Variants in RUNDC3B observed in about 807,000 individuals in gnomAD.
The protein encoded by RUNDC3B is RUN domain-containing protein 3B.
Under a neutral mutation model 58.4 loss-of-function variants are expected in RUNDC3B, and 33 were observed. The ratio of observed to expected loss-of-function variants is 0.56; its 90% CI spans 0.43 to 0.75. The LOEUF (loss-of-function observed/expected upper bound fraction) is 0.75. Among genes scored for constraint, RUNDC3B ranks in the 30% least tolerant of loss-of-function variants. RUNDC3B has a pLI of 0.00. For missense variants in RUNDC3B, 501 were observed against 535.7 expected (o/e 0.94, Z 0.64); for synonymous variants, 193 against 195.2 (o/e 0.99, Z 0.10).
chr7:87,656,042 C>G (rs1036256659), intron 2 of RUNDC3B, among the ~76,000 whole-genome samples: 3 of 152,052 alleles, frequency 2.0e-5, no homozygotes, highest in Admixed American at 6.6e-5. Flanking sequence ...GTGCTTTGAT[C>G]TTGGACTTCC....
chr7:87,661,807 A>C (rs958539417), intron 2 of RUNDC3B, among the ~76,000 whole-genome samples: 1 of 151,974 alleles, frequency 6.6e-6, no homozygotes, highest in African/African-American at 2.4e-5. Context: ...TTTAATTTTA[A>C]GTTTTATGAG....
chr7:87,675,464 T>C (rs1194456895), intron 2 of RUNDC3B, among the ~76,000 whole-genome samples: 5 of 151,858 alleles, frequency 3.3e-5, no homozygotes, highest in Non-Finnish European at 5.9e-5. Context: ...GTTACAATGC[T>C]ATAGTAATTG....
chr7:87,829,567 G>C (rs1038121246), intron 10 of RUNDC3B, among the ~76,000 whole-genome samples: 2 of 151,984 alleles, frequency 1.3e-5, no homozygotes, highest in Non-Finnish European at 2.9e-5. Context: ...CTGTATAACA[G>C]CACCTTTCTA....
chr7:87,668,754 A>G (rs1825525185), intron 2 of RUNDC3B, among the ~76,000 whole-genome samples: 1 of 152,162 alleles, frequency 6.6e-6, no homozygotes, highest in Non-Finnish European at 1.5e-5. Context: ...ACTCAAGAGC[A>G]TGATGTTTAA....
chr7:87,800,856 C>T (rs1421468384), intron 8 of RUNDC3B, among the ~76,000 whole-genome samples: 1 of 152,012 alleles, frequency 6.6e-6, no homozygotes, highest in Non-Finnish European at 1.5e-5. Context: ...ACTGTGTTGT[C>T]CAGGCTGGTC....
At chr7:87,641,186 G>A (rs1044749343) in intron 1 of RUNDC3B, among the ~76,000 whole-genome samples, 4 of 151,974 alleles carry the variant, frequency 2.6e-5, no homozygotes, top group African/African-American at 9.7e-5. Context: ...CAACCATTTT[G>A]TGTCAAAGTA....
intron 8 of RUNDC3B, among the ~76,000 whole-genome samples, chr7:87,790,208 G>A (rs1835449023): frequency 6.6e-6 from 1 of 152,208 alleles, no homozygotes; most frequent in East Asian, 1.9e-4. Flanking sequence ...TTGGGAGAAA[G>A]TAAGGGAAAA....
intron 2 of RUNDC3B, among the ~76,000 whole-genome samples, chr7:87,678,655 G>C (rs1585078673): frequency 6.6e-6 from 1 of 151,984 alleles, no homozygotes; most frequent in African/African-American, 2.4e-5. Context: ...GAGATTTTTT[G>C]ACTGGGTAAA....
At chr7:87,740,720 G>A (rs1027105287) in intron 5 of RUNDC3B, among the ~76,000 whole-genome samples, 6 of 152,122 alleles carry the variant, frequency 3.9e-5, no homozygotes, top group Admixed American at 3.9e-4. Flanking sequence ...CACTTGACAA[G>A]TCTAACTTTA....
rs886648465 is a variant in RUNDC3B at position 87,830,251 on chromosome 7, A to G, written c.*221A>G. ...TTACATTTGTCATTGAGAAAGTTCA[A>G]AATGGAATAGGCTTTAAAAAAAAAA... On this transcript the variant is annotated 3_prime_UTR_variant, in exon 11 of 11. Transcript: ENST00000394654. 5.9e-6 allele frequency: 2 copies of G among 338,440 alleles called. No individual in the cohort carries two copies. Among genetic ancestry groups the G allele is most frequent in the East Asian group, 4.6e-5 (1 of 21,950 alleles). 21.0% of individuals were successfully genotyped at this position (338,440 alleles called of 1,614,324 possible).
chr7:87,770,876 T>C (rs1356623270), intron 7 of RUNDC3B, 127 bp downstream of exon 7: 3 of 598,858 alleles, frequency 5.0e-6, no homozygotes, highest in Non-Finnish European at 2.8e-6. Flanking sequence ...GTTTTTGAAT[T>C]GTCCTCCTCT....
chr7:87,737,072 G>T (rs1395039282), intron 4 of RUNDC3B, among the ~76,000 whole-genome samples: 1 of 149,792 alleles, frequency 6.7e-6, no homozygotes, highest in East Asian at 2.0e-4. Context: ...TAATTTTTTT[G>T]TATTTTTTGT....
intron 3 of RUNDC3B, among the ~76,000 whole-genome samples, chr7:87,707,728 A>G (rs1377700286): frequency 6.6e-6 from 1 of 152,056 alleles, no homozygotes; most frequent in Admixed American, 6.6e-5. Context: ...TGCAAAATAT[A>G]CATTCTTATC....
chr7:87,689,734 A>G (rs1208991414), intron 2 of RUNDC3B, among the ~76,000 whole-genome samples: 1 of 152,070 alleles, frequency 6.6e-6, no homozygotes, highest in Admixed American at 6.6e-5. Context: ...TTCTAATTTC[A>G]ATGAGTTGTC....
rs537170724 is a variant in RUNDC3B at position 87,772,913 on chromosome 7, G to T, written c.798+2164G>T. Among the ~76,000 whole-genome samples, 4 of 151,874 alleles carry T rather than the reference G, an allele frequency of 2.6e-5. No individual in the cohort carries two copies. The South Asian group carries it at 6.2e-4, about 24-fold the overall frequency. On this transcript the variant is annotated intron_variant, in intron 7 of 10. Coordinates refer to ENST00000394654, the MANE Select transcript of RUNDC3B (RefSeq NM_001134405.2). ...TGACATAAAAAGTTGAAACTAGGGG[G>T]ATAAATATACTAGATAGATACTAAC...
chr7:87,746,990 C>T (rs951727633), intron 6 of RUNDC3B, among the ~76,000 whole-genome samples: 2 of 152,094 alleles, frequency 1.3e-5, no homozygotes, highest in African/African-American at 4.8e-5. Flanking sequence ...GGGATTTCTT[C>T]TTGGTTTGGA....
rs1836493243 is a variant in RUNDC3B, at chr7:87,807,415, A to C, written c.999A>C (p.Leu333Phe). ...KNNDLRSRQE[L>F]TAHLTNQWPS... Reference sequence around the variant, plus strand: ...ATGATTTAAGATCGAGACAAGAGTTAACTGCCCATCTCACCAACCAGTGGC... The same window carrying C: ...ATGATTTAAGATCGAGACAAGAGTTCACTGCCCATCTCACCAACCAGTGGC... The change falls in exon 9 of 11, where the codon TTA becomes TTC. Residue 333 changes from leucine to phenylalanine, a missense_variant. Physicochemically the swap from Leu to Phe is conservative, Grantham distance 22 (BLOSUM62 0). Transcript: ENST00000394654. 1.2e-6 allele frequency: 2 copies of C among 1,613,694 alleles called. No homozygotes were observed. Among genetic ancestry groups the C allele is most frequent in the Admixed American group, 1.7e-5 (1 of 59,988 alleles).
At chr7:87,630,733 CA>C (rs1442492575) in intron 1 of RUNDC3B, among the ~76,000 whole-genome samples, 1 of 150,266 alleles carries the variant, frequency 6.7e-6, no homozygotes, top group East Asian at 1.9e-4. Context: ...ATCTAACACT[CA>C]AAAAATATTT....
chr7:87,775,413 CAA>C (rs1312436313), intron 7 of RUNDC3B, among the ~76,000 whole-genome samples: 2 of 152,136 alleles, frequency 1.3e-5, no homozygotes, highest in South Asian at 4.2e-4. Flanking sequence ...ACTGTTATTA[CAA>C]AAGAGTCAAA....
Sources: allele counts gnomAD v4.1 joint callset (sites outside exome capture counted in the v4.1 genomes callset), GRCh38; gene constraint gnomAD v4.1.1; transcripts MANE v1.5; gene names NCBI Gene and HGNC (gene_info 2026-07-23, HGNC 2026-07-21).